The following AIG1 variants were observed in gnomAD, a reference collection of about 807,000 sequenced individuals.
AIG1 encodes the protein androgen-induced gene 1 protein.
Under a neutral mutation model 31.4 loss-of-function variants are expected in AIG1, and 23 were observed. The observed-to-expected ratio is 0.73, with a 90% CI of 0.53 to 1.04. The LOEUF is 1.04. Among genes scored for constraint, AIG1 ranks in the 50% least tolerant of loss-of-function variants. The pLI is 0.00. For synonymous variants in AIG1, 100 were observed against 110.5 expected (o/e 0.90, Z 0.60); for missense variants, 274 against 295.0 (o/e 0.93, Z 0.52).
intron 3 of AIG1, among the ~76,000 whole-genome samples, chr6:143,218,587 C>T (rs1457562157): frequency 2.6e-5 from 4 of 152,134 alleles, no homozygotes; most frequent in African/African-American, 9.7e-5. Flanking sequence ...ACTAAACCAG[C>T]TTCTAATGGT....
intron 5 of AIG1, among the ~76,000 whole-genome samples, chr6:143,335,945 GAAA>G (rs11298199): frequency 7.9e-6 from 1 of 126,848 alleles, no homozygotes; most frequent in African/African-American, 2.9e-5. Flanking sequence ...GAAACTCTCA[GAAA>G]AAAAAAAAAA....
chr6:143,159,606 G>T (rs6908441), intron 2 of AIG1, among the ~76,000 whole-genome samples: 49,072 of 152,018 alleles, frequency 0.32, 8,055 homozygotes, highest in Admixed American at 0.38. Context: ...ATGAATCCTA[G>T]AAACTGATTG....
At chr6:143,198,454 G>A (rs1432397492) in intron 3 of AIG1, among the ~76,000 whole-genome samples, 1 of 152,230 alleles carries the variant, frequency 6.6e-6, no homozygotes, top group African/African-American at 2.4e-5. Context: ...GGGAATAGAT[G>A]CTCTCATTAG....
At chr6:143,182,952 A>C (rs1788872595) in intron 3 of AIG1, among the ~76,000 whole-genome samples, 1 of 152,186 alleles carries the variant, frequency 6.6e-6, no homozygotes, top group African/African-American at 2.4e-5. Context: ...GTCACTCTTC[A>C]ATTTCAGCTG....
intron 1 of AIG1, among the ~76,000 whole-genome samples, chr6:143,111,156 C>T (rs958386154): frequency 6.6e-6 from 1 of 152,100 alleles, no homozygotes; most frequent in Non-Finnish European, 1.5e-5. Context: ...CTGGTTACTA[C>T]TCTGTTTTTC....
rs116103388 is a variant in AIG1 at position 143,099,699 on chromosome 6, G to C, written c.142-37136G>C. 1.9e-3 allele frequency: 294 copies of C among 152,318 alleles called. 3 individuals are homozygous for C. The highest frequency in any genetic ancestry group is 5.6e-3 in the African/African-American group (233 of 41,564). 9.4% of individuals were successfully genotyped at this position (152,318 alleles called of 1,614,324 possible). A position where few individuals can be genotyped will look rare whatever the true frequency, so the allele number is the denominator to read the frequency against. On this transcript the variant is annotated intron_variant, in intron 1 of 5. Transcript: ENST00000357847. Reference sequence around the variant, plus strand: ...AGCTTTCTTTATCCAAATAGAAATAGTGTGTTTAAGTGGGGTAAGCTTGGC... The same window carrying C: ...AGCTTTCTTTATCCAAATAGAAATACTGTGTTTAAGTGGGGTAAGCTTGGC...
chr6:143,226,246 A>ATTT, intron 3 of AIG1, among the ~76,000 whole-genome samples: 1 of 142,070 alleles, frequency 7.0e-6, no homozygotes, highest in East Asian at 2.0e-4. Context: ...ATATATATAT[A>ATTT]TTTTTTTTTT....
intron 1 of AIG1, chr6:143,093,927 T>C (rs1335995168): frequency 6.6e-6 from 1 of 151,988 alleles, no homozygotes; most frequent in East Asian, 1.9e-4. Flanking sequence ...AATAGTAAGA[T>C]CAAGGATTGC....
chr6:143,259,252 A>G (rs1329307150), intron 3 of AIG1, among the ~76,000 whole-genome samples: 1 of 152,252 alleles, frequency 6.6e-6, no homozygotes, highest in African/African-American at 2.4e-5. Context: ...GTATTATGTT[A>G]TAGCAACACA....
At chr6:143,193,943 A>G (rs1789998168) in intron 3 of AIG1, among the ~76,000 whole-genome samples, 1 of 152,232 alleles carries the variant, frequency 6.6e-6, no homozygotes, top group Non-Finnish European at 1.5e-5. Context: ...GAAATAGGAA[A>G]AAAATAGGGG....
intron 4 of AIG1, among the ~76,000 whole-genome samples, chr6:143,300,118 G>A (rs1175288324): frequency 6.6e-6 from 1 of 152,228 alleles, no homozygotes; most frequent in African/African-American, 2.4e-5. Flanking sequence ...CAGTGAATGA[G>A]TGGTGCATAC....
At chr6:143,087,702 G>C (rs563842051) in intron 1 of AIG1, among the ~76,000 whole-genome samples, 1 of 152,142 alleles carries the variant, frequency 6.6e-6, no homozygotes, top group African/African-American at 2.4e-5. Context: ...GACCCAAAAG[G>C]GGTTGCCCTT....
intron 3 of AIG1, among the ~76,000 whole-genome samples, chr6:143,211,680 G>A (rs1791600018): frequency 6.6e-6 from 1 of 152,142 alleles, no homozygotes; most frequent in Non-Finnish European, 1.5e-5. Context: ...ATCACTCGAG[G>A]TCAGGAGTTC....
At chr6:143,201,433 A>C (rs1790689734) in intron 3 of AIG1, among the ~76,000 whole-genome samples, 1 of 152,174 alleles carries the variant, frequency 6.6e-6, no homozygotes, top group African/African-American at 2.4e-5. Flanking sequence ...TGTTTGATTT[A>C]GGCACCAGTG....
chr6:143,166,969 A>G (rs1391301028), intron 3 of AIG1, among the ~76,000 whole-genome samples: 14 of 152,214 alleles, frequency 9.2e-5, no homozygotes, highest in Non-Finnish European at 2.9e-5. Context: ...CTTGATAAAA[A>G]CAGTTACATT....
At chr6:143,182,844 G>C (rs1403762610) in intron 3 of AIG1, among the ~76,000 whole-genome samples, 1 of 152,154 alleles carries the variant, frequency 6.6e-6, no homozygotes, top group Non-Finnish European at 1.5e-5. Context: ...GTTTTCTCTT[G>C]TTCTCTTTTT....
chr6:143,099,415 T>A (rs1353657888), intron 1 of AIG1: 2 of 152,192 alleles, frequency 1.3e-5, no homozygotes, highest in Non-Finnish European at 2.9e-5. Flanking sequence ...GTGGAATAAA[T>A]AATCAACATA....
intron 2 of AIG1, 152 bp from the exon 3 acceptor site, chr6:143,164,930 G>T (rs982040785): frequency 3.4e-6 from 2 of 594,446 alleles, no homozygotes; most frequent in African/African-American, 3.7e-5. Context: ...AATGAAGCTA[G>T]ACCTGTGTTT....
rs532820259 is a variant in AIG1, at chr6:143,284,965, C to T, written c.515+740C>T. 1.4e-3 allele frequency among the ~76,000 whole-genome samples: 213 copies of T among 152,190 alleles called. No individual in the cohort carries two copies. The highest frequency in any genetic ancestry group is 4.9e-3 in the African/African-American group (202 of 41,532). ...CCAAGTCCTCTTTGACATATTAACA[C>T]GCACAGAGGAGGTCCCTCCTGCCAG... On this transcript the variant is annotated intron_variant, in intron 4 of 5. Transcript: ENST00000357847. This position sits in a 1 kb window ranked among gnomAD's most constrained non-coding sequence, Gnocchi z 4.4.
Sources: allele counts gnomAD v4.1 joint callset (sites outside exome capture counted in the v4.1 genomes callset), GRCh38; gene constraint gnomAD v4.1.1; non-coding constraint Gnocchi (gnomAD v3.1); transcripts MANE v1.5; gene names NCBI Gene and HGNC (gene_info 2026-07-23, HGNC 2026-07-21).